The following ZMYM2 variants were observed in gnomAD, a reference collection of about 807,000 sequenced individuals.
ZMYM2 encodes zinc finger MYM-type containing 2, also known as zinc finger MYM-type protein 2.
A neutral mutation model predicts 162.8 loss-of-function variants in ZMYM2; 56 were observed. That is an observed-to-expected ratio of 0.34 (90% CI 0.28 to 0.43). ZMYM2 has a LOEUF of 0.43. ZMYM2 is among the 20% of genes least tolerant of loss of function. The pLI, the probability that ZMYM2 is intolerant of heterozygous loss-of-function variation, is 1.00. For synonymous variants in ZMYM2, 510 were observed against 541.6 expected (o/e 0.94, Z 0.81); for missense variants, 1,275 against 1,621.8 (o/e 0.79, Z 3.67).
At chr13:20,019,520 A>G in intron 6 of ZMYM2, 27 bp from the exon 7 acceptor site, 1 of 1,547,698 alleles carries the variant, frequency 6.5e-7, no homozygotes, top group Non-Finnish European at 8.7e-7. Flanking sequence ...ATGTGTGTTT[A>G]TAAAGTCTTT....
At chr13:20,074,742 G>T (rs531329880) in intron 21 of ZMYM2, among the ~76,000 whole-genome samples, 9 of 151,962 alleles carry the variant, frequency 5.9e-5, no homozygotes, top group Admixed American at 1.3e-4. Context: ...GTTTCACCGT[G>T]TTAGCCGGGA....
chr13:19,956,148 C>T (rs1389677464), upstream of ZMYM2, among the ~76,000 whole-genome samples: 1 of 152,324 alleles, frequency 6.6e-6, no homozygotes, highest in East Asian at 1.9e-4. Context: ...TTTTCTACTC[C>T]CCACTTCTCC....
chr13:20,067,532 T>C, intron 21 of ZMYM2, 142 bp downstream of exon 21: 1 of 870,718 alleles, frequency 1.1e-6, no homozygotes, highest in Non-Finnish European at 1.7e-6. Flanking sequence ...CATTTATATA[T>C]AAATGATAAT....
chr13:19,973,541 T>G (rs900760720), intron 2 of ZMYM2, among the ~76,000 whole-genome samples: 1 of 151,206 alleles, frequency 6.6e-6, no homozygotes, highest in African/African-American at 2.4e-5. Flanking sequence ...CGTGGTGGTG[T>G]GCGCCTGTAG....
the ZMYM2 span, among the ~76,000 whole-genome samples, chr13:19,931,147 A>AT: frequency 6.8e-6 from 1 of 147,220 alleles, no homozygotes; most frequent in Non-Finnish European, 1.5e-5. Context: ...TCAAAAAAAA[A>AT]AATAATAATA....
Position 20,058,696 on chromosome 13 carries a change from G to C in ZMYM2, c.2615G>C (p.Cys872Ser). ...AAACCTCACATGCAGACCAAATCTTGTCAGACAGGTAACTTAGGACAATGT... is the reference window on the plus strand; with the variant it reads ...AAACCTCACATGCAGACCAAATCTTCTCAGACAGGTAACTTAGGACAATGT... ...YCKPHMQTKS[C>S]QTDDTWRTEY... The change falls in exon 15 of 25, where the codon TGT becomes TCT. Residue 872 changes from cysteine (C) to serine (S), a missense_variant. Cys to Ser is a moderately radical substitution (Grantham distance 112). Coordinates refer to ENST00000610343, the MANE Select transcript of ZMYM2 (RefSeq NM_197968.4). 1 of 1,613,432 alleles carries C rather than the reference G, an allele frequency of 6.2e-7. No homozygotes were observed. The highest frequency in any genetic ancestry group is 8.5e-7 in the Non-Finnish European group (1 of 1,179,656).
chr13:19,999,495 T>G (rs917800993), intron 3 of ZMYM2, among the ~76,000 whole-genome samples: 1 of 152,180 alleles, frequency 6.6e-6, no homozygotes, highest in African/African-American at 2.4e-5. Flanking sequence ...TTGATAAATG[T>G]TGTGTGTGTT....
intron 21 of ZMYM2, among the ~76,000 whole-genome samples, chr13:20,081,037 T>C (rs952283217): frequency 6.6e-6 from 1 of 152,236 alleles, no homozygotes; most frequent in Non-Finnish European, 1.5e-5. Context: ...CTTAGTGTAA[T>C]ATGATCACTG....
At chr13:19,962,114 A>G (rs1423055004) in intron 2 of ZMYM2, among the ~76,000 whole-genome samples, 2 of 152,184 alleles carry the variant, frequency 1.3e-5, no homozygotes, top group Non-Finnish European at 2.9e-5. Context: ...TCACTCAAGT[A>G]TGACATATAT....
rs775478338 is a variant in ZMYM2, at chr13:20,066,918, G to T, written c.3200G>T (p.Ser1067Ile). ...GATAGTTCTGACAATTCAGAATGCAGCTTTCCTTTCAAATATACGTATGGC... is the reference window on the plus strand; with the variant it reads ...GATAGTTCTGACAATTCAGAATGCATCTTTCCTTTCAAATATACGTATGGC... ...HDDSSDNSEC[S>I]FPFKYTYGVN... The change falls in exon 20 of 25, where the codon AGC (serine) becomes ATC (isoleucine). Residue 1067 changes from serine to isoleucine, a missense_variant. This residue lies in a region of ZMYM2 where 229 missense variants were observed against 283.8 expected (regional missense o/e 0.81). Coordinates refer to ENST00000610343, the MANE Select transcript of ZMYM2 (RefSeq NM_197968.4). 6.8e-6 allele frequency: 11 copies of T among 1,613,322 alleles called. No individual in the cohort carries two copies. The highest frequency in any genetic ancestry group is 1.7e-5 in the Admixed American group (1 of 59,916).
chr13:19,945,344 C>T, the ZMYM2 span, among the ~76,000 whole-genome samples: 1 of 152,020 alleles, frequency 6.6e-6, no homozygotes, highest in Non-Finnish European at 1.5e-5. Flanking sequence ...CTCTGCCTCC[C>T]GGGTTCAAGC....
chr13:19,951,527 TA>T, the ZMYM2 span, among the ~76,000 whole-genome samples: 1,192 of 76,364 alleles, frequency 0.016, 17 homozygotes, highest in African/African-American at 0.058. Context: ...CCATCTCTAC[TA>T]AAAAAAAAAA....
intron 3 of ZMYM2, among the ~76,000 whole-genome samples, chr13:20,001,536 A>G (rs1022527837): frequency 1.3e-5 from 2 of 152,128 alleles, no homozygotes; most frequent in Non-Finnish European, 2.9e-5. Context: ...CCTGGTGAAG[A>G]TACTGTGAAT....
the ZMYM2 span, among the ~76,000 whole-genome samples, chr13:19,878,056 C>T: frequency 6.9e-6 from 1 of 144,854 alleles, no homozygotes; most frequent in South Asian, 2.2e-4. Context: ...TTTTTGATTA[C>T]TTTTTTTTTT....
the ZMYM2 span, among the ~76,000 whole-genome samples, chr13:19,900,280 C>T: frequency 2.0e-5 from 3 of 152,136 alleles, no homozygotes; most frequent in African/African-American, 7.2e-5. Context: ...GCCTGAGTGA[C>T]AGAGCCAGTG....
In ZMYM2 at chr13:19,984,739, A is replaced by C. The variant is rs1009553620; in HGVS notation, c.-10-8324A>C. On this transcript the variant is annotated intron_variant, in intron 2 of 24. Coordinates refer to ENST00000610343, the MANE Select transcript of ZMYM2 (RefSeq NM_197968.4). ...ATGATATGTAGAAGTGACCAATATTATTTACAGTCTATGATTTTAAGATAG... is the reference window on the plus strand; with the variant it reads ...ATGATATGTAGAAGTGACCAATATTCTTTACAGTCTATGATTTTAAGATAG... Among the ~76,000 whole-genome samples the C allele has an allele frequency of 1.3e-5, 2 of 152,188 alleles. 1 individual carries two copies. Among genetic ancestry groups the C allele is most frequent in the Middle Eastern group, 6.3e-3 (2 of 316 alleles).
chr13:19,950,336 G>C, the ZMYM2 span, among the ~76,000 whole-genome samples: 81 of 152,300 alleles, frequency 5.3e-4, 2 homozygotes, highest in Non-Finnish European at 2.6e-4. Flanking sequence ...ATATTTTAGT[G>C]AATAGCTACT....
At chr13:19,901,810 T>C in the ZMYM2 span, among the ~76,000 whole-genome samples, 2 of 152,072 alleles carry the variant, frequency 1.3e-5, no homozygotes, top group African/African-American at 2.4e-5. Context: ...GGTCTCAATC[T>C]GCTCACTGTG....
chr13:20,006,223 C>A (rs1950731875), intron 5 of ZMYM2, 151 bp from the exon 6 acceptor site: 8 of 705,634 alleles, frequency 1.1e-5, no homozygotes, highest in East Asian at 5.8e-5. Flanking sequence ...ATGAGTGAGA[C>A]CCTGTCTTTA....
Sources: gnomAD v4.1 joint callset for allele counts (sites outside exome capture counted in the v4.1 genomes callset) on GRCh38, gnomAD v4.1.1 for gene constraint, gnomAD v4.1.1 regional missense constraint, MANE v1.5 for transcripts, NCBI Gene and HGNC (gene_info 2026-07-23, HGNC 2026-07-21) for gene names.